The following DLG1 variants were observed in gnomAD, a reference collection of about 807,000 sequenced individuals.
DLG1 encodes the protein discs large MAGUK scaffold protein 1.
DLG1 carries 42 observed loss-of-function variants against 123.4 expected under a neutral mutation model. The observed-to-expected ratio is 0.34, with a 90% confidence interval of 0.27 to 0.44. The LOEUF (loss-of-function observed/expected upper bound fraction) is 0.44. DLG1 is among the 20% of genes least tolerant of loss of function. DLG1 has a pLI of 1.00. For missense variants in DLG1, 942 were observed against 1,082.6 expected (o/e 0.87, Z 1.82); for synonymous variants, 317 against 356.2 (o/e 0.89, Z 1.24).
chr3:197,120,468 C>CA (rs762071660), intron 11 of DLG1, among the ~76,000 whole-genome samples: 2 of 152,042 alleles, frequency 1.3e-5, no homozygotes, highest in Non-Finnish European at 2.9e-5. Flanking sequence ...TGAATTATTC[C>CA]AATCATTACC....
chr3:197,111,637 C>A (rs1770062354), intron 13 of DLG1, among the ~76,000 whole-genome samples: 1 of 152,156 alleles, frequency 6.6e-6, no homozygotes, highest in African/African-American at 2.4e-5. Context: ...AAACCACTAC[C>A]CCAGACAAGA....
intron 15 of DLG1, 125 bp from the exon 16 acceptor site, chr3:197,085,881 T>G: frequency 1.3e-6 from 1 of 798,958 alleles, no homozygotes; most frequent in Non-Finnish European, 1.9e-6. Flanking sequence ...TAATGCCCAG[T>G]TCAATTCTGC....
At chr3:197,100,768 G>A (rs984205659) in intron 14 of DLG1, among the ~76,000 whole-genome samples, 4 of 151,980 alleles carry the variant, frequency 2.6e-5, no homozygotes, top group East Asian at 1.9e-4. Flanking sequence ...AAGCCTTCTC[G>A]GAGTTTCTCT....
chr3:197,223,858 TA>T (rs1352210430), intron 4 of DLG1, among the ~76,000 whole-genome samples: 2 of 152,216 alleles, frequency 1.3e-5, no homozygotes, highest in African/African-American at 4.8e-5. Context: ...AAAGCCTTAA[TA>T]AATTTTGCAT....
intron 4 of DLG1, among the ~76,000 whole-genome samples, chr3:197,219,494 T>C (rs530410749): frequency 1.3e-5 from 2 of 152,220 alleles, no homozygotes; most frequent in Non-Finnish European, 2.9e-5. Flanking sequence ...CTCTTTCACA[T>C]GCTTGTCAAC....
chr3:197,082,250 A>G (rs1035713378), intron 16 of DLG1, among the ~76,000 whole-genome samples: 5 of 152,002 alleles, frequency 3.3e-5, no homozygotes, highest in Non-Finnish European at 7.4e-5. Context: ...GGTGCCTGTA[A>G]TCCCAGCTAC....
intron 5 of DLG1, among the ~76,000 whole-genome samples, chr3:197,169,413 G>A (rs984394825): frequency 2.6e-5 from 4 of 152,128 alleles, no homozygotes; most frequent in African/African-American, 9.7e-5. Context: ...CATATGAGCA[G>A]TCAAATCAAG....
chr3:197,243,969 T>C (rs1288952032), intron 4 of DLG1, among the ~76,000 whole-genome samples: 3 of 152,194 alleles, frequency 2.0e-5, no homozygotes, highest in East Asian at 1.9e-4. Flanking sequence ...GGATATCCAA[T>C]TGGATCAGAG....
At chr3:197,217,306 T>A (rs1440484438) in intron 4 of DLG1, among the ~76,000 whole-genome samples, 3 of 152,206 alleles carry the variant, frequency 2.0e-5, no homozygotes, top group African/African-American at 7.2e-5. Context: ...TCATTCTAAT[T>A]GGTGTTGATT....
intron 8 of DLG1, among the ~76,000 whole-genome samples, chr3:197,139,868 C>A (rs1316857067): frequency 6.6e-6 from 1 of 152,164 alleles, no homozygotes; most frequent in Non-Finnish European, 1.5e-5. Flanking sequence ...CTCATGATTT[C>A]TATAAATATG....
chr3:197,203,171 G>A (rs956803940), intron 4 of DLG1, among the ~76,000 whole-genome samples: 1 of 152,146 alleles, frequency 6.6e-6, no homozygotes, highest in Admixed American at 6.5e-5. Flanking sequence ...GCCGAGGGTA[G>A]GAGAACTGCT....
At chr3:197,055,295 T>C (rs1235121097) in intron 23 of DLG1, among the ~76,000 whole-genome samples, 1 of 152,244 alleles carries the variant, frequency 6.6e-6, no homozygotes, top group Non-Finnish European at 1.5e-5. Context: ...GCTCATTTAG[T>C]ATCTTGTTTT....
At chr3:197,229,319 T>G (rs1201630788) in intron 4 of DLG1, among the ~76,000 whole-genome samples, 1 of 150,900 alleles carries the variant, frequency 6.6e-6, no homozygotes, top group Non-Finnish European at 1.5e-5. Context: ...ACAGCAAGAG[T>G]CCATCTCTAA....
At chr3:197,272,497 A>AT (rs1764341093) in intron 4 of DLG1, among the ~76,000 whole-genome samples, 1 of 152,090 alleles carries the variant, frequency 6.6e-6, no homozygotes, top group Admixed American at 6.5e-5. Flanking sequence ...TCATTGTGCC[A>AT]TTTTTCATAG....
intron 5 of DLG1, among the ~76,000 whole-genome samples, chr3:197,178,762 A>G (rs1181556764): frequency 6.6e-6 from 1 of 152,202 alleles, no homozygotes; most frequent in Non-Finnish European, 1.5e-5. Context: ...GGAGTAATCA[A>G]TTGTGTTAAC....
chr3:197,147,035 T>C (rs1016504870), intron 6 of DLG1, among the ~76,000 whole-genome samples: 1 of 152,102 alleles, frequency 6.6e-6, no homozygotes, highest in Non-Finnish European at 1.5e-5. Context: ...CTGACAAGCA[T>C]ATGGAAAAGT....
intron 5 of DLG1, among the ~76,000 whole-genome samples, chr3:197,158,712 C>T (rs1016071538): frequency 7.2e-6 from 1 of 138,216 alleles, no homozygotes; most frequent in African/African-American, 2.6e-5. Flanking sequence ...TAATTACTCT[C>T]ACATTATGCG....
chr3:197,137,090 A>T (rs567243598), intron 9 of DLG1, among the ~76,000 whole-genome samples: 111 of 152,336 alleles, frequency 7.3e-4, no homozygotes, highest in East Asian at 1.9e-3. Flanking sequence ...AAAAATGTGA[A>T]TACCTTTGTT....
At chr3:197,061,591 CT>C (rs34490515) in intron 22 of DLG1, among the ~76,000 whole-genome samples, 114,455 of 152,006 alleles carry the variant, frequency 0.75, 43,258 homozygotes, top group East Asian at 0.82. Flanking sequence ...GTTCCTCAGT[CT>C]TTTGTCTTTC....
Sources: gnomAD v4.1 joint callset for allele counts (sites outside exome capture counted in the v4.1 genomes callset) on GRCh38, gnomAD v4.1.1 for gene constraint, MANE v1.5 for transcripts, NCBI Gene and HGNC (gene_info 2026-07-23, HGNC 2026-07-21) for gene names.